The following WDR86 variants were observed in gnomAD, a reference collection of about 807,000 sequenced individuals.
WDR86 encodes WD repeat-containing protein 86.
Under a neutral mutation model 36.5 loss-of-function variants are expected in WDR86, and 30 were observed. The observed-to-expected ratio is 0.82, with a 90% CI of 0.61 to 1.11. The LOEUF is 1.11. WDR86 is among the 50% of genes most tolerant of loss of function. The probability of loss-of-function intolerance (pLI) is 0.00; values close to 1 mark genes in which losing one functional copy is unlikely to be tolerated. For synonymous variants in WDR86, 255 were observed against 252.9 expected (o/e 1.01, Z -0.08); for missense variants, 545 against 561.2 (o/e 0.97, Z 0.29).
In WDR86 at chr7:151,400,190, G is replaced by A; in HGVS notation, c.215C>T (p.Thr72Ile). Residue 72 changes from threonine to isoleucine, a missense_variant, in exon 2 of 6, where the codon ACA (threonine) becomes ATA (isoleucine). By Grantham distance (89) the Thr-to-Ile change is moderately conservative. Transcript: ENST00000334493. ...CCTGATGGTGCAGTCGGCGCTGCATGTGAAGGCAGCCTCATCCTCCAGCTG... is the reference window on the plus strand; with the variant it reads ...CCTGATGGTGCAGTCGGCGCTGCATATGAAGGCAGCCTCATCCTCCAGCTG... Reference protein sequence around the residue: ...FCQLEDEAAFTCSADCTIRRW... With the variant: ...FCQLEDEAAFICSADCTIRRW... 2.5e-6 allele frequency: 4 copies of A among 1,611,836 alleles called. No homozygotes were observed. Among genetic ancestry groups the A allele is most frequent in the Non-Finnish European group, 2.5e-6 (3 of 1,179,026 alleles).
chr7:151,398,158 CAAT>C (rs1800005465), intron 2 of WDR86, among the ~76,000 whole-genome samples: 1 of 151,990 alleles, frequency 6.6e-6, no homozygotes, highest in Non-Finnish European at 1.5e-5. Context: ...GTTGTGTGCA[CAAT>C]GTGTGCCTGC....
chr7:151,381,729 G>T lies in WDR86; in HGVS notation c.984C>A (p.Leu328=). The T allele has an allele frequency of 6.6e-7, 1 of 1,514,462 alleles. No individual in the cohort carries two copies. The highest frequency in any genetic ancestry group is 1.3e-5 in the South Asian group (1 of 79,064). 93.8% of individuals were successfully genotyped at this position (1,514,462 alleles called of 1,614,324 possible). A position where few individuals can be genotyped will look rare whatever the true frequency, so the allele number is the denominator to read the frequency against. The change falls in exon 6 of 6, where the codon CTC becomes CTA. Residue 328 remains leucine, a synonymous_variant. Coordinates refer to ENST00000334493, the MANE Select transcript of WDR86 (RefSeq NM_198285.3). This position sits in a 1 kb window ranked among gnomAD's most constrained non-coding sequence, Gnocchi z 4.8. ...INCIQVHGQV[L]YTASHDGALR... ...GGGCGCCGTCGTGCGAGGCGGTGTA[G>T]AGCACCTGGCCGTGCACCTGCGGGC...
At chr7:151,370,097 C>CTT in the WDR86 span, among the ~76,000 whole-genome samples, 1 of 144,042 alleles carries the variant, frequency 6.9e-6, no homozygotes, top group East Asian at 2.0e-4. Context: ...AAGCTGAGTT[C>CTT]TTTTTTTTTT....
At chr7:151,400,314 T>C in intron 1 of WDR86, 73 bp from the exon 2 acceptor site, 1 of 1,431,638 alleles carries the variant, frequency 7.0e-7, no homozygotes, top group Non-Finnish European at 9.3e-7. Context: ...GGGAACAATG[T>C]TTGAAAAGGG....
chr7:151,377,470 T>G, downstream of WDR86: 1 of 298,768 alleles, frequency 3.3e-6, no homozygotes, highest in Non-Finnish European at 6.2e-6. Context: ...CCCTAACCCC[T>G]TCCCCAGCTT....
In WDR86 at chr7:151,396,113, G is replaced by C. The variant is rs949159934; in HGVS notation, c.389C>G (p.Ser130Cys). 9.9e-6 allele frequency: 16 copies of C among 1,612,728 alleles called. No homozygotes were observed. Among genetic ancestry groups the C allele is most frequent in the African/African-American group, 2.7e-5 (2 of 74,914 alleles). Residue 130 changes from serine (S) to cysteine (C), a missense_variant, in exon 3 of 6, where the codon TCC becomes TGC. By Grantham distance (112) the Ser-to-Cys change is moderately radical. Coordinates refer to ENST00000334493, the MANE Select transcript of WDR86 (RefSeq NM_198285.3). ...GTTGCGGTGGCCCCGGAACTCCCGG[G>C]ACATCTGCCCCTTGTCCACACTCCA... ...RVWSVDKGQM[S>C]REFRGHRNCV... is the part of the protein sequence containing the mutation.
chr7:151,375,781 T>A, downstream of WDR86: 1 of 1,049,034 alleles, frequency 9.5e-7, no homozygotes, highest in Non-Finnish European at 1.5e-6. Context: ...CATGGCAGGG[T>A]GCAGCGCCTG....
chr7:151,407,569 T>A (rs1800802999), intron 1 of WDR86, among the ~76,000 whole-genome samples: 2 of 152,204 alleles, frequency 1.3e-5, no homozygotes, highest in African/African-American at 4.8e-5. Context: ...CCGGGTGCAG[T>A]GGCTCACACT....
chr7:151,374,420 G>GTGAGGCCCCA (rs1177353199), downstream of WDR86: 4 of 809,324 alleles, frequency 4.9e-6, no homozygotes, highest in Middle Eastern at 2.7e-4. Context: ...GTGAGGCCAC[G>GTGAGGCCCCA]TGAGGCCCCA....
downstream of WDR86, chr7:151,376,945 GT>G: frequency 7.1e-7 from 1 of 1,399,586 alleles, no homozygotes; most frequent in Non-Finnish European, 9.6e-7. Flanking sequence ...CACCTGGACA[GT>G]GTGGCCAGCA....
At chr7:151,382,203 G>A (rs564340438) in intron 4 of WDR86, among the ~76,000 whole-genome samples, 1 of 152,246 alleles carries the variant, frequency 6.6e-6, no homozygotes, top group African/African-American at 2.4e-5. Context: ...CCCTGCCCCT[G>A]CCCTGCTGAA....
At chr7:151,398,292 A>G (rs1157218778) in intron 2 of WDR86, among the ~76,000 whole-genome samples, 4 of 151,570 alleles carry the variant, frequency 2.6e-5, no homozygotes, top group African/African-American at 9.7e-5. Context: ...GTGCATATGT[A>G]TGTTGTGTGT....
chr7:151,400,303 T>C, intron 1 of WDR86, 62 bp from the exon 2 acceptor site: 8 of 1,460,416 alleles, frequency 5.5e-6, no homozygotes, highest in Non-Finnish European at 7.3e-6. Flanking sequence ...GCTTTTCTTC[T>C]GGGAACAATG....
In WDR86 at chr7:151,388,083, GT is replaced by G. The variant is rs1799122132; in HGVS notation, c.727-2861del. Among the ~76,000 whole-genome samples, 1 of 152,244 alleles carries G rather than the reference GT, an allele frequency of 6.6e-6. No homozygotes were observed. The highest frequency in any genetic ancestry group is 1.5e-5 in the Non-Finnish European group (1 of 68,052). Reference sequence around the variant, plus strand: ...CTGCCCGCCGGCTCCTCAGGGTTGGGTGAGACTCATGAACTGGTACGACAGG... The same window carrying G: ...CTGCCCGCCGGCTCCTCAGGGTTGGGGAGACTCATGAACTGGTACGACAGG... On this transcript the variant is annotated intron_variant, in intron 3 of 5. Coordinates refer to ENST00000334493, the MANE Select transcript of WDR86 (RefSeq NM_198285.3). The surrounding 1 kb of genome is among the most constrained non-coding windows in gnomAD (Gnocchi z 4.2).
At position 151,381,395 on chromosome 7, in the gene WDR86, C is replaced by A; in HGVS notation, c.*187G>T. 1 of 1,474,824 alleles carries A rather than the reference C, an allele frequency of 6.8e-7. No individual in the cohort carries two copies. The highest frequency in any genetic ancestry group is 1.3e-5 in the South Asian group (1 of 77,544). The allele number at this position is 1,474,824 out of a possible 1,614,324, so 91.4% of individuals were successfully genotyped here. ...AAGGGGGCGGTCCCCAGGGCGAGCA[C>A]TCCCGCTCCCAGCGCCTCCTGGCCA... On this transcript the variant is annotated 3_prime_UTR_variant, in exon 6 of 6. Transcript: ENST00000334493. The surrounding 1 kb of genome is among the most constrained non-coding windows in gnomAD (Gnocchi z 4.8).
downstream of WDR86, chr7:151,376,452 C>A: frequency 1.6e-6 from 1 of 614,404 alleles, no homozygotes; most frequent in Non-Finnish European, 2.7e-6. Context: ...TTGAGTCTTC[C>A]AAGCCCCCTT....
At chr7:151,371,629 T>C (rs1797963261), downstream of WDR86, among the ~76,000 whole-genome samples, 1 of 152,110 alleles carries the variant, frequency 6.6e-6, no homozygotes. Context: ...ACAAAAACAA[T>C]GTCCCACAGA....
chr7:151,376,627 C>G (rs1174519970), downstream of WDR86: 1 of 1,606,280 alleles, frequency 6.2e-7, no homozygotes, highest in Admixed American at 1.7e-5. Flanking sequence ...CCTGCGCTCT[C>G]CCCTAGTTGG....
chr7:151,409,427 C>G lies in WDR86; in HGVS notation c.163G>C (p.Gly55Arg). The G allele has an allele frequency of 6.4e-7, 1 of 1,553,524 alleles. No homozygotes were observed. The highest frequency in any genetic ancestry group is 8.7e-7 in the Non-Finnish European group (1 of 1,153,742). Residue 55 changes from glycine (G) to arginine (R), a missense_variant and splice_region_variant, in exon 1 of 6, where the codon GGA becomes CGA. Coordinates refer to ENST00000334493, the MANE Select transcript of WDR86 (RefSeq NM_198285.3). The surrounding 1 kb of genome is among the most constrained non-coding windows in gnomAD (Gnocchi z 5.2). ...ADGQCCALLQ[G>R]HESYVTFCQL... ...TCAGGGAGGGAGTGGGAGGGTCTAC[C>G]TTGCAGGAGCGCGCAGCACTGGCCG... is the stretch of plus-strand genomic sequence containing the variant.
Sources: allele counts gnomAD v4.1 joint callset (sites outside exome capture counted in the v4.1 genomes callset), GRCh38; gene constraint gnomAD v4.1.1; non-coding constraint Gnocchi (gnomAD v3.1); transcripts MANE v1.5; gene names NCBI Gene and HGNC (gene_info 2026-07-23, HGNC 2026-07-21).